Variants in SLC4A8 observed in about 807,000 individuals in gnomAD.
The protein encoded by SLC4A8 is solute carrier family 4 member 8, also known as electroneutral sodium bicarbonate exchanger 1.
Under a neutral mutation model 125.0 loss-of-function variants are expected in SLC4A8, and 40 were observed. The ratio of observed to expected loss-of-function variants is 0.32; its 90% confidence interval spans 0.25 to 0.42. The LOEUF is 0.42. SLC4A8 is among the 10% of genes least tolerant of loss of function. The pLI is 1.00. For synonymous variants in SLC4A8, 456 were observed against 476.0 expected, an observed-to-expected ratio of 0.96 and a Z score of 0.55; for missense variants, 863 against 1,355.1, an observed-to-expected ratio of 0.64 and a Z score of 5.70.
Position 51,452,125 on chromosome 12 carries a change from C to T in SLC4A8, c.279C>T (p.Asp93=), listed in dbSNP as rs1446111259. The T allele has an allele frequency of 1.9e-6, 3 of 1,614,034 alleles. No individual in the cohort carries two copies. Among genetic ancestry groups the T allele is most frequent in the Non-Finnish European group, 2.5e-6 (3 of 1,179,988 alleles). ...CTTTCTCTTTGGTTGATTTCCTAGA[C>T]ACACCATCTCAGCGTGTTCAGTTCA... ...GEEGLEALAH[D]TPSQRVQFIL... is the part of the protein sequence containing the mutation. Residue 93 remains aspartate, a splice_region_variant and synonymous_variant, in exon 4 of 25, where the codon GAC becomes GAT. Coordinates refer to ENST00000453097, the MANE Select transcript of SLC4A8 (RefSeq NM_001039960.3).
At position 51,425,021 on chromosome 12, in the gene SLC4A8, G is replaced by T. The variant is rs1283971149; in HGVS notation, c.34G>T (p.Val12Phe). 6.4e-7 allele frequency: 1 copy of T among 1,557,004 alleles called. No homozygotes were observed. Among genetic ancestry groups the T allele is most frequent in the African/African-American group, 1.4e-5 (1 of 73,408 alleles). The change falls in exon 1 of 25, where the codon GTC becomes TTC. Residue 12 changes from valine to phenylalanine, a missense_variant. Coordinates refer to ENST00000453097, the MANE Select transcript of SLC4A8 (RefSeq NM_001039960.3). ...CGCCGGGAGTAACGAGCCGGACGGCGTCCTCAGCTATCAGGTAGGGCCCCG... is the reference window on the plus strand; with the variant it reads ...CGCCGGGAGTAACGAGCCGGACGGCTTCCTCAGCTATCAGGTAGGGCCCCG... ...PAAGSNEPDGVLSYQRPDEEA... is the reference protein window; with the variant it reads ...PAAGSNEPDGFLSYQRPDEEA...
intron 1 of SLC4A8, among the ~76,000 whole-genome samples, chr12:51,407,239 T>A (rs2137955108): frequency 6.6e-6 from 1 of 152,290 alleles, no homozygotes; most frequent in Non-Finnish European, 1.5e-5. Flanking sequence ...AGAGATTAAA[T>A]TTCAATATAA....
chr12:51,445,999 A>C (rs1949762916), intron 2 of SLC4A8, among the ~76,000 whole-genome samples: 1 of 152,148 alleles, frequency 6.6e-6, no homozygotes, highest in African/African-American at 2.4e-5. Flanking sequence ...TGCTACAGGG[A>C]TTTCATTAAC....
chr12:51,469,442 G>T (rs1376551549), intron 11 of SLC4A8, among the ~76,000 whole-genome samples, 172 bp from the exon 12 acceptor site: 2 of 151,966 alleles, frequency 1.3e-5, no homozygotes, highest in Non-Finnish European at 2.9e-5. Context: ...CATACCCTTG[G>T]TTGCAAAGAG....
intron 2 of SLC4A8, among the ~76,000 whole-genome samples, chr12:51,448,338 G>A (rs940827581): frequency 1.5e-4 from 23 of 152,088 alleles, no homozygotes; most frequent in African/African-American, 5.3e-4. Context: ...CTAAGGTAAC[G>A]CTCGGTTTCA....
intron 23 of SLC4A8, 135 bp downstream of exon 23, chr12:51,504,255 G>T (rs760565799): frequency 9.0e-6 from 6 of 665,264 alleles, no homozygotes; most frequent in African/African-American, 1.8e-5. Flanking sequence ...TCCATCCTGT[G>T]AAAATACCTT....
intron 1 of SLC4A8, among the ~76,000 whole-genome samples, chr12:51,408,423 G>A (rs1163222418): frequency 6.6e-6 from 1 of 151,834 alleles, no homozygotes; most frequent in Non-Finnish European, 1.5e-5. Flanking sequence ...TTTTAGTAGC[G>A]ATGGGGTTTC....
chr12:51,440,281 G>T (rs1441083868), intron 1 of SLC4A8, among the ~76,000 whole-genome samples: 1 of 152,158 alleles, frequency 6.6e-6, no homozygotes, highest in East Asian at 1.9e-4. Flanking sequence ...CTGGGCTCAT[G>T]ACACGTCCTA....
At chr12:51,424,700 G>A, upstream of SLC4A8, 1 of 435,140 alleles carries the variant, frequency 2.3e-6, no homozygotes, top group Non-Finnish European at 4.1e-6. Flanking sequence ...AACCGGGCCC[G>A]GGAGCGGTTG....
intron 24 of SLC4A8, among the ~76,000 whole-genome samples, chr12:51,506,604 T>G (rs917461304): frequency 6.6e-6 from 1 of 152,116 alleles, no homozygotes; most frequent in Non-Finnish European, 1.5e-5. Flanking sequence ...CCAGATAACT[T>G]TTGCATTTTT....
intron 3 of SLC4A8, among the ~76,000 whole-genome samples, chr12:51,451,868 T>G (rs1949985700): frequency 6.6e-6 from 1 of 152,164 alleles, no homozygotes; most frequent in South Asian, 2.1e-4. Context: ...TGCTAGAGAA[T>G]TAGCCAATCT....
At chr12:51,419,833 G>A (rs1039576158), upstream of SLC4A8, among the ~76,000 whole-genome samples, 1 of 152,230 alleles carries the variant, frequency 6.6e-6, no homozygotes, top group Non-Finnish European at 1.5e-5. Context: ...TGAGTGTGGT[G>A]TAACGAAGTT....
chr12:51,476,486 T>TA (rs1193640521), intron 16 of SLC4A8, among the ~76,000 whole-genome samples: 8 of 148,236 alleles, frequency 5.4e-5, no homozygotes, highest in Non-Finnish European at 1.2e-4. Context: ...GTCTCAAAAA[T>TA]AAAAAAGTTA....
In SLC4A8 at chr12:51,485,826, A is replaced by C. The variant is rs761124198; in HGVS notation, c.2212A>C (p.Ile738Leu). ...GAGTGACTTTGCTGTTTTCCTCACT[A>C]TCTTCACAATGGTGATTATTGATTT... is the stretch of plus-strand genomic sequence containing the variant. ...MVSDFAVFLT[I>L]FTMVIIDFLI... Residue 738 changes from isoleucine (I) to leucine (L), a missense_variant, in exon 17 of 25, where the codon ATC becomes CTC. By Grantham distance (5) the Ile-to-Leu change is conservative. This residue lies in a region of SLC4A8 where 197 missense variants were observed against 377.7 expected (regional missense o/e 0.52). Coordinates refer to ENST00000453097, the MANE Select transcript of SLC4A8 (RefSeq NM_001039960.3). The C allele has an allele frequency of 1.2e-6, 2 of 1,613,578 alleles. No individual in the cohort carries two copies. Among genetic ancestry groups the C allele is most frequent in the Non-Finnish European group, 1.7e-6 (2 of 1,179,570 alleles).
chr12:51,400,769 TATATATATACATAC>T (rs1268910432), intron 1 of SLC4A8, among the ~76,000 whole-genome samples: 1,900 of 6,070 alleles, frequency 0.31, 310 homozygotes, highest in Non-Finnish European at 0.37. Flanking sequence ...TATATATATA[TATATATATACATAC>T]ATACACACAC....
intron 1 of SLC4A8, among the ~76,000 whole-genome samples, chr12:51,395,607 C>T (rs1948243479): frequency 6.6e-6 from 1 of 152,172 alleles, no homozygotes; most frequent in Admixed American, 6.5e-5. Context: ...GTGAGGGAGA[C>T]CTGCCCTTCA....
chr12:51,478,363 C>T (rs1344993337), intron 16 of SLC4A8, among the ~76,000 whole-genome samples: 2 of 151,270 alleles, frequency 1.3e-5, no homozygotes, highest in South Asian at 2.1e-4. Flanking sequence ...CACTTGAACT[C>T]GGGAGGTGGA....
intron 11 of SLC4A8, among the ~76,000 whole-genome samples, chr12:51,464,500 G>C (rs1302184267): frequency 6.6e-6 from 1 of 152,144 alleles, no homozygotes; most frequent in East Asian, 1.9e-4. Flanking sequence ...GGTCCCCAGA[G>C]TAGGAGGTTT....
intron 11 of SLC4A8, 57 bp downstream of exon 11, chr12:51,463,771 G>C (rs1950428313): frequency 1.7e-6 from 2 of 1,168,160 alleles, no homozygotes; most frequent in African/African-American, 1.5e-5. Flanking sequence ...TTATGCAAAG[G>C]AATGAGGCAT....
Sources: allele counts gnomAD v4.1 joint callset (sites outside exome capture counted in the v4.1 genomes callset), GRCh38; gene constraint gnomAD v4.1.1; regional missense constraint gnomAD v4.1.1; transcripts MANE v1.5; gene names NCBI Gene and HGNC (gene_info 2026-07-23, HGNC 2026-07-21).